PDCD6: variants seen among roughly 807,000 people sequenced by gnomAD.
PDCD6 encodes the protein programmed cell death 6, also known as programmed cell death protein 6.
Under a neutral mutation model 28.3 loss-of-function variants are expected in PDCD6, and 12 were observed. The observed-to-expected ratio is 0.42, with a 90% confidence interval of 0.27 to 0.69. PDCD6 has a LOEUF of 0.69. PDCD6 is among the 30% of genes least tolerant of loss of function. The pLI, the probability that PDCD6 is intolerant of heterozygous loss-of-function variation, is 0.22. For missense variants in PDCD6, 226 were observed against 269.9 expected, an observed-to-expected ratio of 0.84 and a Z score of 1.14; for synonymous variants, 92 against 108.0, an observed-to-expected ratio of 0.85 and a Z score of 0.92.
chr5:307,230 G>A lies in PDCD6; in HGVS notation c.367+470G>A, dbSNP rs1243088613. Among the ~76,000 whole-genome samples the A allele has an allele frequency of 8.6e-6, 1 of 116,784 alleles. No homozygotes were observed. 76.6% of individuals were successfully genotyped at this position (116,784 alleles called of 152,430 possible). A position where few individuals can be genotyped will look rare whatever the true frequency, so the allele number is the denominator to read the frequency against. ...GTGCCCATTCTCAGGTGTGCTCGGC[G>A]TGTGTGTGCTCGGCGTGTGTGTGCT... On this transcript the variant is annotated intron_variant, in intron 4 of 5. Coordinates refer to ENST00000264933, the MANE Select transcript of PDCD6 (RefSeq NM_013232.4). The surrounding 1 kb of genome is among the most constrained non-coding windows in gnomAD (Gnocchi z 6.1).
chr5:274,823 G>A (rs191401836), intron 2 of PDCD6, among the ~76,000 whole-genome samples: 53 of 152,326 alleles, frequency 3.5e-4, no homozygotes, highest in East Asian at 9.7e-4. Context: ...TCCTCAAAGT[G>A]TATATAGCTC....
chr5:300,028 T>C (rs1254095242), intron 2 of PDCD6, among the ~76,000 whole-genome samples: 1 of 152,144 alleles, frequency 6.6e-6, no homozygotes, highest in Non-Finnish European at 1.5e-5. Context: ...TGGTATTTAT[T>C]GCCCCTGGTG....
chr5:273,094 A>C, intron 2 of PDCD6: 1 of 298,300 alleles, frequency 3.4e-6, no homozygotes, highest in South Asian at 3.8e-5. Flanking sequence ...GGTAAGTTGG[A>C]GGTCCTTGAA....
intron 2 of PDCD6, among the ~76,000 whole-genome samples, chr5:281,045 C>A (rs149503054): frequency 1.3e-5 from 2 of 152,232 alleles, no homozygotes; most frequent in African/African-American, 4.8e-5. Flanking sequence ...GAAATAAGAT[C>A]GCATCTACAG....
At chr5:280,608 C>T (rs1046520852) in intron 2 of PDCD6, among the ~76,000 whole-genome samples, 18 of 138,742 alleles carry the variant, frequency 1.3e-4, no homozygotes, top group South Asian at 2.3e-4. Context: ...GAGTGGAGAC[C>T]ACAGGCCAGG....
chr5:294,634 G>A (rs1488192457), intron 2 of PDCD6, among the ~76,000 whole-genome samples: 3 of 152,254 alleles, frequency 2.0e-5, no homozygotes, highest in Non-Finnish European at 4.4e-5. Context: ...AAAGTGGTCC[G>A]GGAGTTTCTT....
At chr5:287,245 G>T (rs1739028744) in intron 2 of PDCD6, among the ~76,000 whole-genome samples, 1 of 152,168 alleles carries the variant, frequency 6.6e-6, no homozygotes, top group Non-Finnish European at 1.5e-5. Context: ...GGTTCCTGGA[G>T]CTGGAATCCT....
intron 2 of PDCD6, among the ~76,000 whole-genome samples, chr5:299,341 A>C (rs576269482): frequency 3.6e-5 from 2 of 56,184 alleles, no homozygotes; most frequent in East Asian, 5.1e-4. Flanking sequence ...CCAGTCCTGC[A>C]CTGCAGCACT....
At chr5:306,374 T>C (rs1740482748) in intron 3 of PDCD6, 1 of 502,438 alleles carries the variant, frequency 2.0e-6, no homozygotes, top group Non-Finnish European at 3.6e-6. Context: ...TCCTGGGACT[T>C]AGGGGGTCAG....
At chr5:312,917 C>T (rs775190946) in intron 5 of PDCD6, among the ~76,000 whole-genome samples, 4 of 119,740 alleles carry the variant, frequency 3.3e-5, no homozygotes, top group Admixed American at 1.5e-4. Flanking sequence ...TCTGAATTGC[C>T]GTAGGGCTCA....
At chr5:311,119 A>G (rs1016244998) in intron 4 of PDCD6, 174 bp from the exon 5 acceptor site, 6 of 623,136 alleles carry the variant, frequency 9.6e-6, no homozygotes, top group African/African-American at 7.4e-5. Flanking sequence ...ACAGAATGAT[A>G]TATTCGGGAA....
intron 3 of PDCD6, chr5:304,750 C>G (rs2126761999): frequency 6.5e-6 from 1 of 152,730 alleles, no homozygotes; most frequent in East Asian, 1.9e-4. Context: ...TTCCTTGATG[C>G]TTCTGTAATT....
chr5:287,862 G>A (rs147912904), intron 2 of PDCD6, among the ~76,000 whole-genome samples: 22 of 152,294 alleles, frequency 1.4e-4, no homozygotes, highest in African/African-American at 5.1e-4. Context: ...TTGGAAAGAC[G>A]TGTAATATTC....
In PDCD6 at chr5:271,720, C is replaced by A; in HGVS notation, c.-1C>A. The A allele has an allele frequency of 6.5e-7, 1 of 1,534,404 alleles. No individual in the cohort carries two copies. Among genetic ancestry groups the A allele is most frequent in the Admixed American group, 1.9e-5 (1 of 52,726 alleles). ...CTCAGCCCAGCCGCGTGCCTTGGCC[C>A]ATGGCCGCCTACTCTTACCGCCCCG... On this transcript the variant is annotated 5_prime_UTR_variant, in exon 1 of 6. Transcript: ENST00000264933.
At chr5:289,593 C>T in intron 2 of PDCD6, 4 of 945,468 alleles carry the variant, frequency 4.2e-6, no homozygotes, top group Middle Eastern at 2.1e-4. Context: ...GTCTTTTTAC[C>T]TCATGCCCCT....
chr5:298,672 T>C (rs112085260), intron 2 of PDCD6, among the ~76,000 whole-genome samples: 20 of 27,586 alleles, frequency 7.3e-4, no homozygotes, highest in African/African-American at 1.7e-3. Context: ...CTGCTCCCAC[T>C]CAGCTGCTCC....
At chr5:291,592 C>G (rs560580831) in intron 2 of PDCD6, among the ~76,000 whole-genome samples, 1 of 151,670 alleles carries the variant, frequency 6.6e-6, no homozygotes, top group East Asian at 2.0e-4. Context: ...CCCACCCACA[C>G]TGACGTGGCT....
At chr5:292,958 C>G (rs1409718164) in intron 2 of PDCD6, among the ~76,000 whole-genome samples, 1 of 152,306 alleles carries the variant, frequency 6.6e-6, no homozygotes, top group East Asian at 1.9e-4. Flanking sequence ...CGTTTGGCTC[C>G]CACACAGCTG....
chr5:310,069 A>G (rs985489554), intron 4 of PDCD6: 20 of 250,088 alleles, frequency 8.0e-5, no homozygotes, highest in East Asian at 1.8e-4. Context: ...CAGACAGGCA[A>G]TGTCCCTGTG....
Sources: allele counts gnomAD v4.1 joint callset (sites outside exome capture counted in the v4.1 genomes callset), GRCh38; gene constraint gnomAD v4.1.1; non-coding constraint Gnocchi (gnomAD v3.1); transcripts MANE v1.5; gene names NCBI Gene and HGNC (gene_info 2026-07-23, HGNC 2026-07-21).